Variants in CYFIP1 observed in about 807,000 individuals in gnomAD.
CYFIP1 encodes the protein cytoplasmic FMR1 interacting protein 1, also known as cytoplasmic FMR1-interacting protein 1.
Under a neutral mutation model 163.5 loss-of-function variants are expected in CYFIP1, and 58 were observed. The observed-to-expected ratio is 0.35, with a 90% CI of 0.29 to 0.44. The LOEUF is 0.44. Among genes scored for constraint, CYFIP1 ranks in the 20% least tolerant of loss-of-function variants. CYFIP1 has a pLI of 1.00. For synonymous variants in CYFIP1, 663 were observed against 660.7 expected, an observed-to-expected ratio of 1.00 and a Z score of -0.05; for missense variants, 1,338 against 1,653.8, an observed-to-expected ratio of 0.81 and a Z score of 3.31.
At chr15:22,883,341 T>A (rs1387046932) in intron 23 of CYFIP1, among the ~76,000 whole-genome samples, 1 of 152,156 alleles carries the variant, frequency 6.6e-6, no homozygotes, top group Non-Finnish European at 1.5e-5. Flanking sequence ...CCCAGCAGGA[T>A]GCCCAAGGTC....
chr15:22,883,058 T>C (rs745320253), intron 23 of CYFIP1, 47 bp from the exon 24 acceptor site: 1 of 1,594,580 alleles, frequency 6.3e-7, no homozygotes. Flanking sequence ...CGCACACATG[T>C]GCAGATGAAG....
chr15:22,912,176 C>T lies in CYFIP1; in HGVS notation c.2082+3G>A, dbSNP rs987260123. The T allele has an allele frequency of 4.3e-6, 7 of 1,612,282 alleles. No individual in the cohort carries two copies. Among genetic ancestry groups the T allele is most frequent in the Admixed American group, 3.3e-5 (2 of 59,820 alleles). On this transcript the variant is annotated splice_donor_region_variant and intron_variant, in intron 18 of 30. Coordinates refer to ENST00000617928, the MANE Select transcript of CYFIP1 (RefSeq NM_014608.6). ...AACAGAAATGGAGCTGCAGGGGCCTCACCTCGGCCTCAATTTCGTCGTACA... is the reference window on the plus strand; with the variant it reads ...AACAGAAATGGAGCTGCAGGGGCCTTACCTCGGCCTCAATTTCGTCGTACA...
At chr15:22,889,822 G>T (rs897454470) in intron 23 of CYFIP1, among the ~76,000 whole-genome samples, 2 of 152,144 alleles carry the variant, frequency 1.3e-5, no homozygotes, top group Admixed American at 6.5e-5. Flanking sequence ...AAATCTTTTA[G>T]TTCACAGAGA....
At chr15:22,954,130 C>T (rs890442731) in intron 1 of CYFIP1, among the ~76,000 whole-genome samples, 3 of 152,110 alleles carry the variant, frequency 2.0e-5, no homozygotes, top group African/African-American at 7.2e-5. Flanking sequence ...TGGACAGGTA[C>T]ATTGATGTCC....
intron 1 of CYFIP1, among the ~76,000 whole-genome samples, chr15:22,956,642 G>A (rs998270898): frequency 1.3e-4 from 20 of 151,990 alleles, no homozygotes; most frequent in African/African-American, 4.6e-4. Context: ...GGGGAGGCTC[G>A]GGGCAGGTGG....
At position 22,873,398 on chromosome 15, in the gene CYFIP1, C is replaced by T. The variant is rs981062027; in HGVS notation, c.3449+93G>A. The T allele has an allele frequency of 4.7e-6, 5 of 1,056,196 alleles. No homozygotes were observed. The African/African-American group carries it at 7.9e-5, about 17-fold the overall frequency. The allele number at this position is 1,056,196 out of a possible 1,614,324, so 65.4% of individuals were successfully genotyped here. A position where few individuals can be genotyped will look rare whatever the true frequency, so the allele number is the denominator to read the frequency against. ...GTGAGTTTCTGGTCCACTTCCTGAG[C>T]ATGGCTGGCTGCTTGTTAGCCTAAC... On this transcript the variant is annotated intron_variant, in intron 29 of 30. Coordinates refer to ENST00000617928, the MANE Select transcript of CYFIP1 (RefSeq NM_014608.6).
chr15:22,906,590 T>C (rs12442751), intron 21 of CYFIP1, among the ~76,000 whole-genome samples: 49,640 of 151,260 alleles, frequency 0.33, 9,213 homozygotes, highest in African/African-American at 0.51. Flanking sequence ...CTCAGCCTCC[T>C]GAGTAGCTGG....
intron 1 of CYFIP1, 140 bp from the exon 2 acceptor site, chr15:22,947,431 TC>T: frequency 8.2e-7 from 1 of 1,215,214 alleles, no homozygotes; most frequent in East Asian, 2.4e-5. Context: ...GCATGATCAG[TC>T]CTTGGGAGTT....
At chr15:22,962,683 C>G (rs187171731) in intron 1 of CYFIP1, among the ~76,000 whole-genome samples, 1 of 151,816 alleles carries the variant, frequency 6.6e-6, no homozygotes, top group Admixed American at 6.6e-5. Flanking sequence ...AGATTACAGA[C>G]GTGAGCCACC....
At chr15:22,902,364 G>A (rs970766931) in intron 22 of CYFIP1, among the ~76,000 whole-genome samples, 1 of 152,222 alleles carries the variant, frequency 6.6e-6, no homozygotes, top group African/African-American at 2.4e-5. Flanking sequence ...CTGCTGTGAT[G>A]TATGTGGTAC....
chr15:22,880,017 G>A lies in CYFIP1; in HGVS notation c.2938C>T (p.Leu980=), dbSNP rs147712835. Residue 980 remains leucine (L), a synonymous_variant, in exon 26 of 31, where the codon CTG becomes TTG. Coordinates refer to ENST00000617928, the MANE Select transcript of CYFIP1 (RefSeq NM_014608.6). ...TCTGCGTACTCCACGATGTCCTTCA[G>A]CTGGTGGTGGAAGAACTCCAGGATA... is the stretch of plus-strand genomic sequence containing the variant. ...PGILEFFHHQ[L]KDIVEYAELK... 4.3e-6 allele frequency: 7 copies of A among 1,613,804 alleles called. No individual in the cohort carries two copies. In the African/African-American group the frequency reaches 6.7e-5, roughly 15 times the overall value.
At chr15:22,964,259 G>T (rs2062805960) in intron 1 of CYFIP1, among the ~76,000 whole-genome samples, 1 of 138,532 alleles carries the variant, frequency 7.2e-6, no homozygotes, top group African/African-American at 2.8e-5. Context: ...TGCAGAGTGA[G>T]TCCACTCCTC....
intron 1 of CYFIP1, among the ~76,000 whole-genome samples, chr15:22,964,884 A>G (rs964881683): frequency 6.6e-6 from 1 of 152,070 alleles, no homozygotes; most frequent in Non-Finnish European, 1.5e-5. Flanking sequence ...TGCTTCTATG[A>G]GCTCAAATTT....
chr15:22,959,259 T>C (rs1232602124), intron 1 of CYFIP1, among the ~76,000 whole-genome samples: 1 of 151,904 alleles, frequency 6.6e-6, no homozygotes. Flanking sequence ...GGCCATTCCT[T>C]CATCTTTCAC....
chr15:22,873,597 T>G lies in CYFIP1; in HGVS notation c.3343A>C (p.Ser1115Arg). ...TCGTCCACATGCATGACCCCATTGC[T>G]GGGCAGAGGCCCGCGCCAGATGGGG... ...DDPIWRGPLP[S>R]NGVMHVDECV... is the part of the protein sequence containing the mutation. The change falls in exon 29 of 31, where the codon AGC becomes CGC. Residue 1115 changes from serine to arginine, a missense_variant. Physicochemically the swap from Ser to Arg is moderately radical, Grantham distance 110. Around this residue, in one of 4 missense-constraint regions of CYFIP1, gnomAD observed 306 missense variants for 322.1 expected, o/e 0.95. Coordinates refer to ENST00000617928, the MANE Select transcript of CYFIP1 (RefSeq NM_014608.6). 6.2e-7 allele frequency: 1 copy of G among 1,614,256 alleles called. No homozygotes were observed. Among genetic ancestry groups the G allele is most frequent in the South Asian group, 1.1e-5 (1 of 91,088 alleles).
chr15:22,908,664 G>A (rs1417515421), intron 21 of CYFIP1, among the ~76,000 whole-genome samples: 5 of 151,114 alleles, frequency 3.3e-5, no homozygotes, highest in African/African-American at 4.9e-5. Context: ...GAGTAGCTCG[G>A]ACTACAGGTG....
At chr15:22,882,623 A>G (rs2059799413) in intron 24 of CYFIP1, among the ~76,000 whole-genome samples, 1 of 152,116 alleles carries the variant, frequency 6.6e-6, no homozygotes, top group African/African-American at 2.4e-5. Context: ...TGAGCAACAT[A>G]GCAAGACCCC....
chr15:22,919,717 G>A (rs893961249), intron 13 of CYFIP1, among the ~76,000 whole-genome samples: 1 of 152,184 alleles, frequency 6.6e-6, no homozygotes, highest in South Asian at 2.1e-4. Flanking sequence ...AATACATTTG[G>A]GAAAATCTTA....
At chr15:22,949,197 G>A (rs2062162211) in intron 1 of CYFIP1, among the ~76,000 whole-genome samples, 1 of 152,252 alleles carries the variant, frequency 6.6e-6, no homozygotes, top group Admixed American at 6.5e-5. Context: ...GCAGAGCACA[G>A]AGCAACAGTG....
Sources: gnomAD v4.1 joint callset for allele counts (sites outside exome capture counted in the v4.1 genomes callset) on GRCh38, gnomAD v4.1.1 for gene constraint, gnomAD v4.1.1 regional missense constraint, MANE v1.5 for transcripts, NCBI Gene and HGNC (gene_info 2026-07-23, HGNC 2026-07-21) for gene names.